Variants in CNBD1 observed in about 807,000 individuals in gnomAD.
CNBD1 encodes the protein cyclic nucleotide-binding domain-containing protein 1.
CNBD1 carries 71 observed loss-of-function variants against 54.4 expected under a neutral mutation model. That is an observed-to-expected ratio of 1.30 (90% CI 1.08 to 1.59). CNBD1 has a LOEUF of 1.59. Among genes scored for constraint, CNBD1 ranks in the 40% most tolerant of loss-of-function variants. The pLI is 0.00. For synonymous variants in CNBD1, 182 were observed against 170.7 expected (o/e 1.07, Z -0.51); for missense variants, 659 against 518.0 (o/e 1.27, Z -2.64).
intron 4 of CNBD1, among the ~76,000 whole-genome samples, chr8:87,055,354 T>A (rs1810391214): frequency 6.6e-6 from 1 of 152,200 alleles, no homozygotes; most frequent in African/African-American, 2.4e-5. Flanking sequence ...CCCCTATCTA[T>A]GCAACTGTGG....
chr8:86,956,249 T>A (rs1328972015), intron 4 of CNBD1, among the ~76,000 whole-genome samples: 1 of 152,210 alleles, frequency 6.6e-6, no homozygotes, highest in Non-Finnish European at 1.5e-5. Context: ...TAGTATAGTT[T>A]GAAGTCAGGT....
chr8:86,883,917 C>G (rs1035391117), intron 1 of CNBD1, among the ~76,000 whole-genome samples: 2 of 151,926 alleles, frequency 1.3e-5, no homozygotes, highest in African/African-American at 2.4e-5. Flanking sequence ...TTTGGGAGGC[C>G]GAGGTGGGCG....
At chr8:87,239,385 A>T (rs909482165) in intron 6 of CNBD1, among the ~76,000 whole-genome samples, 3 of 152,006 alleles carry the variant, frequency 2.0e-5, no homozygotes, top group African/African-American at 7.2e-5. Flanking sequence ...CTTTTTGTGT[A>T]TTTACTTAGT....
intron 4 of CNBD1, among the ~76,000 whole-genome samples, chr8:86,949,957 T>TGTTTTTGTTTTTG (rs1554633441): frequency 8.2e-6 from 1 of 122,096 alleles, no homozygotes; most frequent in African/African-American, 3.1e-5. Context: ...CTTTTTTTTT[T>TGTTTTTGTTTTTG]TTTTTTTTTT....
At chr8:87,179,287 A>T (rs999016175) in intron 4 of CNBD1, among the ~76,000 whole-genome samples, 4 of 151,924 alleles carry the variant, frequency 2.6e-5, no homozygotes, top group Non-Finnish European at 5.9e-5. Flanking sequence ...GAGATAAAAG[A>T]TATTCATAAA....
intron 4 of CNBD1, among the ~76,000 whole-genome samples, chr8:87,075,251 G>A (rs1810844655): frequency 6.6e-6 from 1 of 152,102 alleles, no homozygotes; most frequent in Non-Finnish European, 1.5e-5. Context: ...TACTAGTGAG[G>A]TAAAACATAT....
chr8:87,095,119 C>T (rs763838282), intron 4 of CNBD1, among the ~76,000 whole-genome samples: 12 of 152,226 alleles, frequency 7.9e-5, no homozygotes, highest in Admixed American at 6.5e-5. Context: ...ATAGCATGGC[C>T]TCTTCACCTA....
intron 4 of CNBD1, among the ~76,000 whole-genome samples, chr8:87,005,396 A>G (rs1299588241): frequency 6.6e-6 from 1 of 152,132 alleles, no homozygotes; most frequent in Non-Finnish European, 1.5e-5. Context: ...CAGGTCACCA[A>G]ATCTATATTT....
At chr8:87,005,070 G>A (rs11783245) in intron 4 of CNBD1, among the ~76,000 whole-genome samples, 10,706 of 149,642 alleles carry the variant, frequency 0.072, 514 homozygotes, top group Non-Finnish European at 0.11. Flanking sequence ...TTTTTTAATC[G>A]TTAAGTCTTA....
chr8:87,050,161 C>T (rs145232459), intron 4 of CNBD1, among the ~76,000 whole-genome samples: 2 of 152,278 alleles, frequency 1.3e-5, no homozygotes, highest in Non-Finnish European at 1.5e-5. Context: ...TGAGCAATTT[C>T]ACCATACCTG....
chr8:87,277,235 T>A (rs562968273), intron 6 of CNBD1, among the ~76,000 whole-genome samples: 1 of 151,812 alleles, frequency 6.6e-6, no homozygotes, highest in Non-Finnish European at 1.5e-5. Flanking sequence ...AGAGCTAATG[T>A]ACCTGTTCTC....
chr8:86,937,978 T>C (rs1246756662), intron 3 of CNBD1, among the ~76,000 whole-genome samples: 7 of 152,172 alleles, frequency 4.6e-5, no homozygotes, highest in Admixed American at 3.9e-4. Context: ...TAAGTTCCAA[T>C]TCCAAACCAT....
At chr8:87,331,468 G>A (rs1401911839) in intron 8 of CNBD1, among the ~76,000 whole-genome samples, 2 of 152,118 alleles carry the variant, frequency 1.3e-5, no homozygotes, top group Non-Finnish European at 2.9e-5. Flanking sequence ...ATCATTGATG[G>A]GCATTTGGGT....
At chr8:86,931,397 G>A (rs1355535940) in intron 3 of CNBD1, among the ~76,000 whole-genome samples, 2 of 152,166 alleles carry the variant, frequency 1.3e-5, no homozygotes, top group Non-Finnish European at 2.9e-5. Context: ...GAGAACCTTT[G>A]TCCTCTTGGG....
intron 4 of CNBD1, among the ~76,000 whole-genome samples, chr8:86,978,121 C>T (rs1463144837): frequency 1.3e-5 from 2 of 152,142 alleles, no homozygotes; most frequent in Non-Finnish European, 2.9e-5. Context: ...TACTGTATCA[C>T]TCTCCTTATT....
At chr8:87,354,325 C>G (rs1043586217) in intron 10 of CNBD1, among the ~76,000 whole-genome samples, 1 of 151,972 alleles carries the variant, frequency 6.6e-6, no homozygotes, top group Admixed American at 6.6e-5. Context: ...TTATGGTAAG[C>G]ATTCAGGGGT....
At chr8:87,148,102 C>T (rs1812527824) in intron 4 of CNBD1, among the ~76,000 whole-genome samples, 1 of 152,116 alleles carries the variant, frequency 6.6e-6, no homozygotes. Context: ...CAATAGCAAT[C>T]AGTTGAACTT....
At chr8:87,283,593 G>C (rs1808637339) in intron 6 of CNBD1, among the ~76,000 whole-genome samples, 1 of 152,108 alleles carries the variant, frequency 6.6e-6, no homozygotes. Context: ...ACTCATTCAA[G>C]TTGCAGACCT....
rs528623228 is a variant in CNBD1, at chr8:87,179,305, A to G, written c.432-26688A>G. Among the ~76,000 whole-genome samples, 205 of 152,350 alleles carry G rather than the reference A, an allele frequency of 1.3e-3. 3 individuals carry two copies. The highest frequency in any genetic ancestry group is 4.6e-3 in the African/African-American group (193 of 41,582). ...ATAAAAGATATTCATAAAATAATGT[A>G]TAGAATTCGCTTTAAAAACTGCAGT... is the stretch of plus-strand genomic sequence containing the variant. On this transcript the variant is annotated intron_variant, in intron 4 of 10. Transcript: ENST00000518476.
Sources: gnomAD v4.1 joint callset for allele counts (sites outside exome capture counted in the v4.1 genomes callset) on GRCh38, gnomAD v4.1.1 for gene constraint, MANE v1.5 for transcripts, NCBI Gene and HGNC (gene_info 2026-07-23, HGNC 2026-07-21) for gene names.